Variants in BTBD8 observed in about 807,000 individuals in gnomAD.
BTBD8 encodes BTB domain containing 8, also known as BTB/POZ domain-containing protein 8.
BTBD8 carries 110 observed loss-of-function variants against 162.9 expected under a neutral mutation model. The observed-to-expected ratio is 0.68, with a 90% CI of 0.58 to 0.79. BTBD8 has a LOEUF of 0.79. Ranked by LOEUF, BTBD8 falls within the 30% of genes least tolerant of loss-of-function variation. The probability of loss-of-function intolerance (pLI) is 0.00; values close to 1 mark genes in which losing one functional copy is unlikely to be tolerated. For synonymous variants in BTBD8, 667 were observed against 716.1 expected, an observed-to-expected ratio of 0.93 and a Z score of 1.10; for missense variants, 1,905 against 2,085.4, an observed-to-expected ratio of 0.91 and a Z score of 1.68.
At chr1:92,147,331 A>G in intron 8 of BTBD8, 63 bp downstream of exon 8, 1 of 1,417,016 alleles carries the variant, frequency 7.1e-7, no homozygotes, top group South Asian at 1.2e-5. Flanking sequence ...TGTTCTTCTA[A>G]TTTTGTGGGG....
chr1:92,113,835 A>G (rs958087768), intron 4 of BTBD8, among the ~76,000 whole-genome samples: 1 of 151,802 alleles, frequency 6.6e-6, no homozygotes, highest in Non-Finnish European at 1.5e-5. Flanking sequence ...ACTCGGTGAA[A>G]CCCTGTCTCT....
Position 92,183,908 on chromosome 1 carries a change from G to T in BTBD8, c.4957G>T (p.Asp1653Tyr). 1 of 1,551,142 alleles carries T rather than the reference G, an allele frequency of 6.4e-7. No homozygotes were observed. The highest frequency in any genetic ancestry group is 1.2e-5 in the South Asian group (1 of 83,982). ...CDTLAQTRMY[D>Y]HRPSKTLSPI... is the part of the protein sequence containing the mutation. The stretch of plus-strand genomic sequence containing the variant: ...CACACTGGCACAAACCCGCATGTAT[G>T]ACCATCGGCCTTCAAAAACCCTGTC... Residue 1653 changes from aspartate (D) to tyrosine (Y), a missense_variant, in exon 18 of 18, where the codon GAC becomes TAC. Physicochemically the swap from Asp to Tyr is radical, Grantham distance 160. Transcript: ENST00000636805.
In BTBD8 at chr1:92,108,030, T is replaced by C. The variant is rs201296940; in HGVS notation, c.662+29T>C. On this transcript the variant is annotated intron_variant, in intron 4 of 17. Coordinates refer to ENST00000636805, the MANE Select transcript of BTBD8 (RefSeq NM_001376131.1). Reference sequence around the variant, plus strand: ...AATAGACACGACTGATTTGCTGTCTTGGTTGTGGCTGTAGAGTGTGGAAGG... The same window carrying C: ...AATAGACACGACTGATTTGCTGTCTCGGTTGTGGCTGTAGAGTGTGGAAGG... The C allele has an allele frequency of 8.2e-6, 13 of 1,578,530 alleles. No homozygotes were observed. In the East Asian group the frequency reaches 2.0e-4, roughly 24 times the overall value.
At position 92,177,053 on chromosome 1, in the gene BTBD8, A is replaced by T; in HGVS notation, c.1860A>T (p.Thr620=). The change falls in exon 14 of 18, where the codon ACA becomes ACT. Residue 620 remains threonine (T), a synonymous_variant. Transcript: ENST00000636805. Reference sequence around the variant, plus strand: ...GTACAAAAATAGCATCTAAGATTACAAAAGAACTAAAAACTGGGGGAAAAA... The same window carrying T: ...GTACAAAAATAGCATCTAAGATTACTAAAGAACTAAAAACTGGGGGAAAAA... ...KDGTKIASKI[T]KELKTGGKNV... 1 of 1,551,164 alleles carries T rather than the reference A, an allele frequency of 6.4e-7. No homozygotes were observed. The highest frequency in any genetic ancestry group is 1.4e-5 in the African/African-American group (1 of 73,064).
chr1:92,147,484 T>C (rs1649951523), intron 8 of BTBD8, among the ~76,000 whole-genome samples, 200 bp from the exon 9 acceptor site: 1 of 152,172 alleles, frequency 6.6e-6, no homozygotes, highest in Non-Finnish European at 1.5e-5. Flanking sequence ...CCATGGTTAA[T>C]TATGTTAAAA....
chr1:92,082,947 A>G (rs1465959018), intron 1 of BTBD8, among the ~76,000 whole-genome samples: 1 of 152,148 alleles, frequency 6.6e-6, no homozygotes, highest in African/African-American at 2.4e-5. Context: ...CTGTGAGGTA[A>G]GTCTTGTTAT....
intron 9 of BTBD8, among the ~76,000 whole-genome samples, chr1:92,160,813 C>T (rs1207387745): frequency 1.3e-5 from 2 of 152,124 alleles, no homozygotes; most frequent in Non-Finnish European, 2.9e-5. Context: ...ATGGCTAAGA[C>T]ATGCTAGGTC....
chr1:92,082,647 G>A (rs1039465849), intron 1 of BTBD8, among the ~76,000 whole-genome samples: 2 of 152,156 alleles, frequency 1.3e-5, no homozygotes, highest in African/African-American at 4.8e-5. Flanking sequence ...AGTCGTATTA[G>A]ACTCTGCCAA....
chr1:92,133,990 A>T (rs1461963814), intron 5 of BTBD8, among the ~76,000 whole-genome samples: 4 of 151,300 alleles, frequency 2.6e-5, no homozygotes, highest in Admixed American at 6.6e-5. Context: ...AAAGAATTCT[A>T]TGATCCTAGT....
At chr1:92,178,525 C>A in intron 16 of BTBD8, 74 bp downstream of exon 16, 2 of 1,225,112 alleles carry the variant, frequency 1.6e-6, no homozygotes, top group Non-Finnish European at 2.2e-6. Context: ...CTCTGATTTG[C>A]AACTTCAGTA....
chr1:92,092,875 A>G (rs1648352484), intron 2 of BTBD8, among the ~76,000 whole-genome samples: 1 of 152,228 alleles, frequency 6.6e-6, no homozygotes, highest in African/African-American at 2.4e-5. Context: ...TTTTGCCTAT[A>G]ATCAAAATGA....
At position 92,182,152 on chromosome 1, in the gene BTBD8, G is replaced by A. The variant is rs1309419422; in HGVS notation, c.4469G>A (p.Arg1490Gln). ...HGRTCYSRFS[R>Q]ESEDNILECK... is the part of the protein sequence containing the mutation. The stretch of plus-strand genomic sequence containing the variant: ...AGGACCTGCTATTCCAGATTCTCAC[G>A]AGAAAGTGAAGATAATATTTTAGAA... Residue 1490 changes from arginine to glutamine, a missense_variant, in exon 17 of 18, where the codon CGA (arginine) becomes CAA (glutamine). Around this residue, in one of 3 missense-constraint regions of BTBD8, gnomAD observed 517 missense variants for 606.6 expected, o/e 0.85. Transcript: ENST00000636805. 9.7e-6 allele frequency: 15 copies of A among 1,550,828 alleles called. No individual in the cohort carries two copies. The highest frequency in any genetic ancestry group is 4.9e-5 in the East Asian group (2 of 40,910).
In BTBD8 at chr1:92,177,729, A is replaced by T. The variant is rs966363403; in HGVS notation, c.2354-82A>T. 6 of 910,258 alleles carry T rather than the reference A, an allele frequency of 6.6e-6. No homozygotes were observed. The African/African-American group carries it at 1.0e-4, about 15-fold the overall frequency. The allele number at this position is 910,258 out of a possible 1,614,324, so 56.4% of individuals were successfully genotyped here. The stretch of plus-strand genomic sequence containing the variant: ...CCCACTTTAATATTTCATTTTGTTT[A>T]TAGTGTCTAACCAGTAAACTTACAC... On this transcript the variant is annotated intron_variant, in intron 14 of 17. Transcript: ENST00000636805.
At chr1:92,104,046 T>A (rs1371948586) in intron 3 of BTBD8, among the ~76,000 whole-genome samples, 5 of 152,244 alleles carry the variant, frequency 3.3e-5, no homozygotes, top group African/African-American at 1.2e-4. Flanking sequence ...CATGGCTCAG[T>A]TCAGCTGAGT....
intron 4 of BTBD8, among the ~76,000 whole-genome samples, 178 bp from the exon 5 acceptor site, chr1:92,129,509 A>C (rs998949207): frequency 2.0e-5 from 3 of 151,918 alleles, no homozygotes; most frequent in Non-Finnish European, 2.9e-5. Context: ...CAAAAAAAAA[A>C]CCCTTAGGTA....
At chr1:92,176,245 C>G (rs1286650012) in intron 13 of BTBD8, among the ~76,000 whole-genome samples, 1 of 152,050 alleles carries the variant, frequency 6.6e-6, no homozygotes, top group African/African-American at 2.4e-5. Context: ...TTTATAATGT[C>G]CCTCAAATTA....
At chr1:92,173,759 G>T (rs1280454617) in intron 13 of BTBD8, among the ~76,000 whole-genome samples, 1 of 152,090 alleles carries the variant, frequency 6.6e-6, no homozygotes, top group African/African-American at 2.4e-5. Context: ...TTATAAAATG[G>T]AGTAATAAAA....
chr1:92,107,674 ATATC>A lies in BTBD8; in HGVS notation c.545-206_545-203del, dbSNP rs369715107. 1.8e-3 allele frequency among the ~76,000 whole-genome samples: 267 copies of A among 152,322 alleles called. 3 individuals carry two copies. The highest frequency in any genetic ancestry group is 5.9e-3 in the African/African-American group (244 of 41,582). On this transcript the variant is annotated intron_variant, in intron 3 of 17. Transcript: ENST00000636805. ...GACTGTTATTAAGCAATGCATGACTATATCTATATTTACATGTAAGTGGAAATAT... is the reference window on the plus strand; with the variant it reads ...GACTGTTATTAAGCAATGCATGACTATATATTTACATGTAAGTGGAAATAT...
At chr1:92,177,943 CAA>C (rs775918990) in intron 15 of BTBD8, 45 bp downstream of exon 15, 1 of 964,876 alleles carries the variant, frequency 1.0e-6, no homozygotes, top group African/African-American at 1.7e-5. Flanking sequence ...AGCTTTCTCT[CAA>C]AGTTAATTAT....
Sources: allele counts gnomAD v4.1 joint callset (sites outside exome capture counted in the v4.1 genomes callset), GRCh38; gene constraint gnomAD v4.1.1; regional missense constraint gnomAD v4.1.1; transcripts MANE v1.5; gene names NCBI Gene and HGNC (gene_info 2026-07-23, HGNC 2026-07-21).